The following C12orf75 variants were observed in gnomAD, a reference collection of about 807,000 sequenced individuals.
The protein encoded by C12orf75 is chromosome 12 open reading frame 75.
C12orf75 carries 4 observed loss-of-function variants against 11.4 expected under a neutral mutation model. That is an observed-to-expected ratio of 0.35 (90% CI 0.17 to 0.80). The LOEUF (loss-of-function observed/expected upper bound fraction) is 0.80, where lower values mean the gene tolerates loss of function less well. C12orf75 is among the 30% of genes least tolerant of loss of function. The pLI is 0.52. For synonymous variants in C12orf75, 30 were observed against 30.0 expected, an observed-to-expected ratio of 1.00 and a Z score of 0.00; for missense variants, 89 against 80.4, an observed-to-expected ratio of 1.11 and a Z score of -0.41.
chr12:105,334,037 CTTGAG>C (rs890921116), intron 1 of C12orf75, among the ~76,000 whole-genome samples: 3 of 152,250 alleles, frequency 2.0e-5, no homozygotes, highest in South Asian at 2.1e-4. Context: ...CAGTAGTGTA[CTTGAG>C]TTAAGTGGAT....
rs1169736259 is a variant in C12orf75 at position 105,365,916 on chromosome 12, A to G, written c.107+74A>G. The G allele has an allele frequency of 5.6e-6, 5 of 889,380 alleles. No individual in the cohort carries two copies. In the African/African-American group the frequency reaches 6.6e-5, roughly 12 times the overall value. 55.1% of individuals were successfully genotyped at this position (889,380 alleles called of 1,614,324 possible). A position where few individuals can be genotyped will look rare whatever the true frequency, so the allele number is the denominator to read the frequency against. On this transcript the variant is annotated intron_variant, in intron 3 of 5. Coordinates refer to ENST00000443585, the MANE Select transcript of C12orf75 (RefSeq NM_001145199.2). ...CCTCATGGATTTAACACACTGTAGC[A>G]TATTCCCAATAACACAGATTCTGCC... is the stretch of plus-strand genomic sequence containing the variant.
At chr12:105,332,277 A>C (rs554196838) in intron 1 of C12orf75, among the ~76,000 whole-genome samples, 1 of 152,214 alleles carries the variant, frequency 6.6e-6, no homozygotes, top group African/African-American at 2.4e-5. Context: ...CTACTTAAAA[A>C]AGGTGAAGAA....
rs148074580 is a variant in C12orf75 at position 105,365,654 on chromosome 12, C to T, written c.72-153C>T. On this transcript the variant is annotated intron_variant, in intron 2 of 5. Coordinates refer to ENST00000443585, the MANE Select transcript of C12orf75 (RefSeq NM_001145199.2). ...AAGGCAGAATATTGTCACAGAAACACTTGATGGATAGTTTTGCTCCTCTAC... is the reference window on the plus strand; with the variant it reads ...AAGGCAGAATATTGTCACAGAAACATTTGATGGATAGTTTTGCTCCTCTAC... 2.0e-4 allele frequency among the ~76,000 whole-genome samples: 31 copies of T among 152,320 alleles called. No individual in the cohort carries two copies. In the East Asian group the frequency reaches 6.0e-3, roughly 29 times the overall value.
intron 1 of C12orf75, among the ~76,000 whole-genome samples, chr12:105,334,107 A>C (rs1485347368): frequency 6.6e-6 from 1 of 152,230 alleles, no homozygotes; most frequent in Non-Finnish European, 1.5e-5. Context: ...TCAAGTGGCC[A>C]TAAGGAGTAG....
chr12:105,357,132 C>T (rs1233903793), intron 2 of C12orf75, among the ~76,000 whole-genome samples: 1 of 152,172 alleles, frequency 6.6e-6, no homozygotes, highest in Admixed American at 6.5e-5. Context: ...CCAGTTCATT[C>T]AGAAAAAGTC....
intron 1 of C12orf75, among the ~76,000 whole-genome samples, chr12:105,340,775 G>A (rs1892562321): frequency 6.6e-6 from 1 of 152,150 alleles, no homozygotes; most frequent in Non-Finnish European, 1.5e-5. Context: ...GATTATCTGA[G>A]TAGGCTCTAA....
chr12:105,330,791 G>T lies in C12orf75; in HGVS notation c.-101G>T. The T allele has an allele frequency of 1.7e-6, 2 of 1,168,348 alleles. No individual in the cohort carries two copies. The highest frequency in any genetic ancestry group is 2.1e-6 in the Non-Finnish European group (2 of 938,050). 72.4% of individuals were successfully genotyped at this position (1,168,348 alleles called of 1,614,324 possible). On this transcript the variant is annotated 5_prime_UTR_variant, in exon 1 of 6. Coordinates refer to ENST00000443585, the MANE Select transcript of C12orf75 (RefSeq NM_001145199.2). ...TCGGTTCCTGGCCCCTCGCGGCCCC[G>T]TCAGCCTCCCGCTCGGGGTGCGCCG...
chr12:105,357,015 A>T (rs1202103240), intron 2 of C12orf75, among the ~76,000 whole-genome samples: 1 of 152,230 alleles, frequency 6.6e-6, no homozygotes, highest in Non-Finnish European at 1.5e-5. Flanking sequence ...CACCCACCCC[A>T]AAGAGCAGCC....
chr12:105,362,303 T>A (rs1194547509), intron 2 of C12orf75, among the ~76,000 whole-genome samples: 4 of 134,190 alleles, frequency 3.0e-5, no homozygotes, highest in Non-Finnish European at 4.5e-5. Flanking sequence ...GAGAATGGCG[T>A]GAACCCGGGA....
chr12:105,348,925 A>G (rs1468111715), intron 2 of C12orf75, among the ~76,000 whole-genome samples: 1 of 152,226 alleles, frequency 6.6e-6, no homozygotes, highest in Admixed American at 6.5e-5. Flanking sequence ...TTTAGTTAAA[A>G]GCAAGTGATT....
At chr12:105,352,227 T>C (rs1260661459) in intron 2 of C12orf75, among the ~76,000 whole-genome samples, 1 of 152,146 alleles carries the variant, frequency 6.6e-6, no homozygotes, top group Non-Finnish European at 1.5e-5. Flanking sequence ...TGTGTCATGA[T>C]GGCCACATTG....
chr12:105,349,774 G>C (rs1231910028), intron 2 of C12orf75, among the ~76,000 whole-genome samples: 4 of 152,124 alleles, frequency 2.6e-5, no homozygotes, highest in African/African-American at 9.7e-5. Context: ...CTACTTGGGA[G>C]GCTGAGGCAG....
At chr12:105,339,058 T>G (rs184504135) in intron 1 of C12orf75, among the ~76,000 whole-genome samples, 1 of 152,232 alleles carries the variant, frequency 6.6e-6, no homozygotes, top group African/African-American at 2.4e-5. Context: ...AAATCACTTA[T>G]GAATCTGTAT....
rs1487427561 is a variant in C12orf75, at chr12:105,370,811, C to G, written c.*211C>G. The G allele has an allele frequency of 4.7e-6, 2 of 426,332 alleles. No homozygotes were observed. The highest frequency in any genetic ancestry group is 9.6e-6 in the Non-Finnish European group (2 of 208,416). 26.4% of individuals were successfully genotyped at this position (426,332 alleles called of 1,614,324 possible). A position where few individuals can be genotyped will look rare whatever the true frequency, so the allele number is the denominator to read the frequency against. ...ATAGAAGGGAATTGGTTAAACAGTACACTTGTTTATGGAACTTTCTGTGGC... is the reference window on the plus strand; with the variant it reads ...ATAGAAGGGAATTGGTTAAACAGTAGACTTGTTTATGGAACTTTCTGTGGC... On this transcript the variant is annotated 3_prime_UTR_variant, in exon 6 of 6. Coordinates refer to ENST00000443585, the MANE Select transcript of C12orf75 (RefSeq NM_001145199.2).
intron 2 of C12orf75, among the ~76,000 whole-genome samples, chr12:105,361,538 G>A (rs1162076254): frequency 2.0e-5 from 3 of 152,166 alleles, no homozygotes; most frequent in African/African-American, 7.2e-5. Flanking sequence ...CCCACCAGAA[G>A]GTGTGCTTTT....
At chr12:105,333,813 A>G (rs967874948) in intron 1 of C12orf75, among the ~76,000 whole-genome samples, 1 of 152,218 alleles carries the variant, frequency 6.6e-6, no homozygotes, top group Non-Finnish European at 1.5e-5. Flanking sequence ...GTTTTCCTTG[A>G]ATATTTTTCT....
rs145056265 is a variant in C12orf75, at chr12:105,338,171, CATTTATTT to C, written c.46+7247_46+7254del. On this transcript the variant is annotated intron_variant, in intron 1 of 5. Coordinates refer to ENST00000443585, the MANE Select transcript of C12orf75 (RefSeq NM_001145199.2). Reference sequence around the variant, plus strand: ...TTCTTATATGGCTGCATTTATCTTTCATTTATTTATTTATTTATTTTGAGATGGAGTCT... The same window carrying C: ...TTCTTATATGGCTGCATTTATCTTTCATTTATTTATTTTGAGATGGAGTCT... 2.8e-4 allele frequency among the ~76,000 whole-genome samples: 42 copies of C among 152,082 alleles called. No individual in the cohort carries two copies. In the South Asian group the frequency reaches 7.3e-3, roughly 26 times the overall value.
chr12:105,356,588 A>ACTTTCTG (rs1190092733), intron 2 of C12orf75, among the ~76,000 whole-genome samples: 7 of 152,150 alleles, frequency 4.6e-5, no homozygotes, highest in Admixed American at 1.3e-4. Context: ...GGAAGTGAGA[A>ACTTTCTG]CTTTCTGAAT....
intron 1 of C12orf75, among the ~76,000 whole-genome samples, chr12:105,342,355 C>T (rs1300110172): frequency 6.6e-6 from 1 of 152,168 alleles, no homozygotes; most frequent in African/African-American, 2.4e-5. Context: ...AAGTTTGGCC[C>T]CTTCTTGCGC....
Sources: gnomAD v4.1 joint callset for allele counts (sites outside exome capture counted in the v4.1 genomes callset) on GRCh38, gnomAD v4.1.1 for gene constraint, MANE v1.5 for transcripts, NCBI Gene and HGNC (gene_info 2026-07-23, HGNC 2026-07-21) for gene names.